MED12L: variants seen among roughly 807,000 people sequenced by gnomAD.
MED12L encodes the protein mediator of RNA polymerase II transcription subunit 12-like protein.
A neutral mutation model predicts 281.3 loss-of-function variants in MED12L; 60 were observed. The observed-to-expected ratio is 0.21, with a 90% CI of 0.17 to 0.26. The LOEUF (loss-of-function observed/expected upper bound fraction) is 0.26. Ranked by LOEUF, MED12L falls within the 10% of genes least tolerant of loss-of-function variation. The pLI is 1.00. For missense variants in MED12L, 2,146 were observed against 2,680.9 expected (o/e 0.80, Z 4.41); for synonymous variants, 974 against 987.2 (o/e 0.99, Z 0.25).
intron 38 of MED12L, among the ~76,000 whole-genome samples, chr3:151,394,242 A>G (rs529769607): frequency 6.6e-6 from 1 of 152,324 alleles, no homozygotes; most frequent in Non-Finnish European, 1.5e-5. Flanking sequence ...TGAGCTTCAG[A>G]TTTGATGAAA....
At chr3:151,292,172 G>A (rs886856898) in intron 16 of MED12L, among the ~76,000 whole-genome samples, 5 of 152,238 alleles carry the variant, frequency 3.3e-5, no homozygotes, top group South Asian at 4.1e-4. Context: ...ATATAAACAC[G>A]AAAGTAGATA....
At chr3:151,118,711 C>T (rs1419246056) in intron 3 of MED12L, among the ~76,000 whole-genome samples, 2 of 149,718 alleles carry the variant, frequency 1.3e-5, no homozygotes, top group African/African-American at 4.9e-5. Flanking sequence ...ACCAGATCTA[C>T]AAGGTGGAGT....
chr3:151,099,789 G>A (rs1721178812), intron 2 of MED12L, among the ~76,000 whole-genome samples: 1 of 152,154 alleles, frequency 6.6e-6, no homozygotes. Context: ...TGAGGGAGGG[G>A]AGGAGAGAAT....
intron 16 of MED12L, among the ~76,000 whole-genome samples, chr3:151,258,729 G>A (rs1260940450): frequency 2.0e-5 from 3 of 151,994 alleles, no homozygotes; most frequent in Non-Finnish European, 4.4e-5. Context: ...GTGCATGCCT[G>A]TAGTCCCAGC....
At chr3:151,123,112 G>A (rs1714002994) in intron 4 of MED12L, 138 bp downstream of exon 4, 1 of 658,360 alleles carries the variant, frequency 1.5e-6, no homozygotes, top group East Asian at 2.8e-5. Flanking sequence ...CCAGGTGGGT[G>A]TTACTCCATG....
chr3:151,190,965 G>T (rs766838278), intron 14 of MED12L, 34 bp downstream of exon 14: 2 of 1,583,388 alleles, frequency 1.3e-6, no homozygotes, highest in Admixed American at 3.3e-5. Context: ...CACTCCCCCA[G>T]AAACTAAACT....
intron 5 of MED12L, among the ~76,000 whole-genome samples, chr3:151,150,887 A>C (rs897112448): frequency 3.3e-5 from 5 of 152,222 alleles, no homozygotes; most frequent in African/African-American, 1.2e-4. Context: ...AATTGAAGAG[A>C]GTTGAGGCCT....
intron 16 of MED12L, among the ~76,000 whole-genome samples, chr3:151,243,116 T>C (rs897987194): frequency 6.6e-6 from 1 of 151,778 alleles, no homozygotes; most frequent in African/African-American, 2.4e-5. Context: ...TGGGGCTGTG[T>C]GAAAAGACCA....
intron 11 of MED12L, among the ~76,000 whole-genome samples, chr3:151,173,456 G>A (rs575745449): frequency 6.6e-6 from 1 of 152,222 alleles, no homozygotes; most frequent in South Asian, 2.1e-4. Context: ...GGAAAAAAGA[G>A]GAAGACACCT....
At chr3:151,430,118 G>C (rs951944732) in intron 43 of MED12L, among the ~76,000 whole-genome samples, 181 bp from the exon 44 acceptor site, 12 of 152,208 alleles carry the variant, frequency 7.9e-5, no homozygotes, top group African/African-American at 2.9e-4. Flanking sequence ...GGGTACTTCA[G>C]ATGTTCACCA....
intron 17 of MED12L, among the ~76,000 whole-genome samples, chr3:151,353,844 T>C (rs1403920697): frequency 6.6e-6 from 1 of 152,158 alleles, no homozygotes; most frequent in Non-Finnish European, 1.5e-5. Flanking sequence ...CTTTAACTAC[T>C]TAGAATCACA....
chr3:151,242,800 A>T (rs1734484862), intron 16 of MED12L, among the ~76,000 whole-genome samples: 2 of 152,054 alleles, frequency 1.3e-5, no homozygotes, highest in Non-Finnish European at 2.9e-5. Flanking sequence ...AGAAGGCTTC[A>T]GACGATCAAA....
chr3:151,355,164 A>G lies in MED12L; in HGVS notation c.2442A>G (p.Thr814=), dbSNP rs146154916. 4.3e-6 allele frequency: 7 copies of G among 1,613,972 alleles called. No homozygotes were observed. The highest frequency in any genetic ancestry group is 1.3e-5 in the African/African-American group (1 of 74,938). ...GQKARKNKQE[T]FPTLETVFTK... is the part of the protein sequence containing the mutation. ...AAGCCAGGAAGAACAAACAGGAGACATTTCCAACACTGGAGACTGTGTTCA... is the reference window on the plus strand; with the variant it reads ...AAGCCAGGAAGAACAAACAGGAGACGTTTCCAACACTGGAGACTGTGTTCA... The change falls in exon 18 of 45, where the codon ACA becomes ACG. Residue 814 remains threonine (T), a synonymous_variant. Transcript: ENST00000687756.
intron 16 of MED12L, among the ~76,000 whole-genome samples, chr3:151,194,668 A>G (rs1479310884): frequency 6.6e-6 from 1 of 152,176 alleles, no homozygotes; most frequent in Non-Finnish European, 1.5e-5. Context: ...TTGGCAGGAA[A>G]TTTACCATTT....
chr3:151,112,640 A>G lies in MED12L; in HGVS notation c.100-3698A>G, dbSNP rs758655628. 9.3e-4 allele frequency among the ~76,000 whole-genome samples: 141 copies of G among 152,150 alleles called. 1 individual carries two copies. Among genetic ancestry groups the G allele is most frequent in the Admixed American group, 2.4e-3 (36 of 15,282 alleles). On this transcript the variant is annotated intron_variant, in intron 2 of 44. Transcript: ENST00000687756. The stretch of plus-strand genomic sequence containing the variant: ...TCCTTTTTAAAAATTTTAGAACGAG[A>G]GCATTATATTGATTAAAAAATATTG...
intron 2 of MED12L, among the ~76,000 whole-genome samples, chr3:151,106,337 CCCTCCCCTTT>C (rs1247297000): frequency 3.1e-5 from 4 of 127,328 alleles, no homozygotes; most frequent in Middle Eastern, 3.9e-3. Flanking sequence ...CCCTCCCCTC[CCCTCCCCTTT>C]CCTTTCCTTT....
intron 38 of MED12L, 28 bp downstream of exon 38, chr3:151,390,163 C>G (rs371858334): frequency 2.0e-5 from 32 of 1,609,234 alleles, no homozygotes; most frequent in Non-Finnish European, 2.4e-5. Context: ...ACAGATCACT[C>G]AGAGATGAGA....
At chr3:151,273,167 C>T (rs1247037440) in intron 16 of MED12L, among the ~76,000 whole-genome samples, 1 of 151,314 alleles carries the variant, frequency 6.6e-6, no homozygotes, top group Non-Finnish European at 1.5e-5. Flanking sequence ...CAGAGCACCA[C>T]ACTATGTTAT....
At chr3:151,325,757 T>C (rs1353186307) in intron 16 of MED12L, among the ~76,000 whole-genome samples, 5 of 152,194 alleles carry the variant, frequency 3.3e-5, no homozygotes, top group African/African-American at 1.2e-4. Context: ...TTGTATACTT[T>C]AGGTGTACCC....
Sources: gnomAD v4.1 joint callset for allele counts (sites outside exome capture counted in the v4.1 genomes callset) on GRCh38, gnomAD v4.1.1 for gene constraint, MANE v1.5 for transcripts, NCBI Gene and HGNC (gene_info 2026-07-23, HGNC 2026-07-21) for gene names.